MDGA2: variants seen among roughly 807,000 people sequenced by gnomAD.
MDGA2 encodes MAM domain-containing glycosylphosphatidylinositol anchor protein 2.
In MDGA2, 40 loss-of-function variants were observed where a neutral mutation model predicts 117.8. The observed-to-expected ratio is 0.34, with a 90% CI of 0.26 to 0.44. The LOEUF (loss-of-function observed/expected upper bound fraction) is 0.44, where lower values mean the gene tolerates loss of function less well. Ranked by LOEUF, MDGA2 falls within the 20% of genes least tolerant of loss-of-function variation. The pLI is 1.00. For synonymous variants in MDGA2, 452 were observed against 439.0 expected (o/e 1.03, Z -0.37); for missense variants, 1,123 against 1,250.6 (o/e 0.90, Z 1.54).
At chr14:46,935,598 C>G (rs1032599531) in intron 9 of MDGA2, among the ~76,000 whole-genome samples, 2 of 152,130 alleles carry the variant, frequency 1.3e-5, no homozygotes, top group Admixed American at 6.6e-5. Context: ...CTGGGAATCC[C>G]CAAGAGATTT....
At chr14:47,635,911 C>T (rs1897312986) in intron 1 of MDGA2, among the ~76,000 whole-genome samples, 1 of 152,126 alleles carries the variant, frequency 6.6e-6, no homozygotes, top group South Asian at 2.1e-4. Context: ...AAAATAGACA[C>T]ATCTTATGTA....
intron 10 of MDGA2, among the ~76,000 whole-genome samples, chr14:46,905,185 T>C (rs893160621): frequency 1.3e-5 from 2 of 152,166 alleles, no homozygotes; most frequent in African/African-American, 4.8e-5. Context: ...AAGTGAGTCC[T>C]GGAAAACTCA....
Position 47,564,854 on chromosome 14 carries a change from G to A in MDGA2, c.280+109663C>T, listed in dbSNP as rs1895886443. Reference sequence around the variant, plus strand: ...TTGTCTCACTGAGTTATTGAGGAGAGCTGGTCTTCAAGCTCTGAGATTCTT... The same window carrying A: ...TTGTCTCACTGAGTTATTGAGGAGAACTGGTCTTCAAGCTCTGAGATTCTT... On this transcript the variant is annotated intron_variant, in intron 1 of 16. Transcript: ENST00000399232. 1.3e-5 allele frequency among the ~76,000 whole-genome samples: 2 copies of A among 152,146 alleles called. 1 individual carries two copies. Among genetic ancestry groups the A allele is most frequent in the South Asian group, 4.1e-4 (2 of 4,824 alleles).
chr14:46,850,426 C>G (rs1881013273), intron 15 of MDGA2, among the ~76,000 whole-genome samples: 2 of 151,782 alleles, frequency 1.3e-5, no homozygotes, highest in South Asian at 4.1e-4. Context: ...ATGGTGACTT[C>G]TGCAAATATT....
chr14:47,473,001 G>T (rs2138619037), intron 1 of MDGA2, among the ~76,000 whole-genome samples: 1 of 152,248 alleles, frequency 6.6e-6, no homozygotes, highest in South Asian at 2.1e-4. Context: ...GAACCCAGGA[G>T]GTTGATTTGG....
intron 1 of MDGA2, among the ~76,000 whole-genome samples, chr14:47,307,627 G>C (rs543860218): frequency 6.6e-6 from 1 of 151,986 alleles, no homozygotes; most frequent in South Asian, 2.1e-4. Flanking sequence ...GTTGCAGTGA[G>C]ACAAGATCCG....
chr14:47,172,890 A>G (rs917529029), intron 3 of MDGA2, among the ~76,000 whole-genome samples: 14 of 152,202 alleles, frequency 9.2e-5, no homozygotes, highest in Non-Finnish European at 1.9e-4. Flanking sequence ...CAAAGAAGTT[A>G]AAAACTTCGA....
At chr14:47,359,035 T>C (rs966544047) in intron 1 of MDGA2, among the ~76,000 whole-genome samples, 5 of 152,176 alleles carry the variant, frequency 3.3e-5, no homozygotes, top group African/African-American at 1.2e-4. Flanking sequence ...AAAAACAAAG[T>C]TGAAGACATC....
intron 1 of MDGA2, among the ~76,000 whole-genome samples, chr14:47,465,072 G>A (rs892567617): frequency 7.2e-5 from 11 of 152,122 alleles, no homozygotes; most frequent in African/African-American, 2.2e-4. Flanking sequence ...CCTGATCTTC[G>A]ACAAAGCTGA....
In MDGA2 at chr14:47,156,445, C is replaced by G. The variant is rs967177380; in HGVS notation, c.596-12171G>C. 2.0e-5 allele frequency among the ~76,000 whole-genome samples: 3 copies of G among 152,280 alleles called. No individual in the cohort carries two copies. In the East Asian group the frequency reaches 5.8e-4, roughly 29 times the overall value. On this transcript the variant is annotated intron_variant, in intron 3 of 16. Coordinates refer to ENST00000399232, the MANE Select transcript of MDGA2 (RefSeq NM_001113498.3). Reference sequence around the variant, plus strand: ...GTTTAGTCCACTCTCCACTACCACTCGAGTTTCTCTAGTGACATAAACCAG... The same window carrying G: ...GTTTAGTCCACTCTCCACTACCACTGGAGTTTCTCTAGTGACATAAACCAG...
In MDGA2 at chr14:47,274,448, G is replaced by T. The variant is rs186984624; in HGVS notation, c.420+26963C>A. Among the ~76,000 whole-genome samples the T allele has an allele frequency of 5.7e-4, 87 of 152,130 alleles. 1 individual carries two copies. Among genetic ancestry groups the T allele is most frequent in the Non-Finnish European group, 1.1e-3 (72 of 67,984 alleles). ...ATTGCTGATAACATTTCATTGCATA[G>T]ATAGGCCACATTTTATTTATCCATT... On this transcript the variant is annotated intron_variant, in intron 2 of 16. Transcript: ENST00000399232.
At chr14:46,900,673 G>C (rs1305467501) in intron 10 of MDGA2, among the ~76,000 whole-genome samples, 1 of 152,134 alleles carries the variant, frequency 6.6e-6, no homozygotes, top group Non-Finnish European at 1.5e-5. Context: ...ATAGGGATGA[G>C]GAGGAAATTA....
At chr14:46,909,332 T>A (rs984649376) in intron 10 of MDGA2, among the ~76,000 whole-genome samples, 4 of 152,184 alleles carry the variant, frequency 2.6e-5, no homozygotes, top group Admixed American at 6.6e-5. Flanking sequence ...TAATTTGAGA[T>A]CTTCATAAGT....
At chr14:46,931,799 A>G (rs1884589559) in intron 9 of MDGA2, among the ~76,000 whole-genome samples, 1 of 152,152 alleles carries the variant, frequency 6.6e-6, no homozygotes, top group Non-Finnish European at 1.5e-5. Flanking sequence ...TTGAGATTAC[A>G]GGCATGAGCC....
chr14:46,940,275 A>G (rs1414161974), intron 9 of MDGA2, among the ~76,000 whole-genome samples: 1 of 152,192 alleles, frequency 6.6e-6, no homozygotes, highest in Non-Finnish European at 1.5e-5. Flanking sequence ...AATAATAAAT[A>G]TACTATAAGC....
chr14:47,223,812 A>G (rs1287973335), intron 2 of MDGA2, among the ~76,000 whole-genome samples: 1 of 152,224 alleles, frequency 6.6e-6, no homozygotes, highest in African/African-American at 2.4e-5. Context: ...ACAGTTCTAC[A>G]TGGCTGAGGA....
chr14:47,112,118 T>C (rs1447581852), intron 5 of MDGA2, among the ~76,000 whole-genome samples: 1 of 151,422 alleles, frequency 6.6e-6, no homozygotes, highest in Non-Finnish European at 1.5e-5. Flanking sequence ...TGGCAAAGTT[T>C]ATTCAACAGT....
intron 5 of MDGA2, among the ~76,000 whole-genome samples, chr14:47,130,872 A>G (rs926168780): frequency 6.6e-6 from 1 of 152,120 alleles, no homozygotes; most frequent in Admixed American, 6.6e-5. Context: ...AAAAATCTTT[A>G]GTCTAATATA....
intron 1 of MDGA2, among the ~76,000 whole-genome samples, chr14:47,585,182 T>C (rs909014026): frequency 2.0e-5 from 3 of 151,890 alleles, no homozygotes; most frequent in African/African-American, 7.2e-5. Flanking sequence ...AATGAAAATA[T>C]ATTGAGTGAC....
Sources: allele counts gnomAD v4.1 joint callset (sites outside exome capture counted in the v4.1 genomes callset), GRCh38; gene constraint gnomAD v4.1.1; transcripts MANE v1.5; gene names NCBI Gene and HGNC (gene_info 2026-07-23, HGNC 2026-07-21).